MELK: variants seen among roughly 807,000 people sequenced by gnomAD.
The protein encoded by MELK is pEg3 kinase.
MELK carries 81 observed loss-of-function variants against 85.0 expected under a neutral mutation model. That is an observed-to-expected ratio of 0.95 (90% CI 0.80 to 1.15). The LOEUF (loss-of-function observed/expected upper bound fraction) is 1.15. Among genes scored for constraint, MELK ranks in the 50% most tolerant of loss-of-function variants. MELK has a pLI of 0.00. For synonymous variants in MELK, 252 were observed against 265.0 expected, an observed-to-expected ratio of 0.95 and a Z score of 0.48; for missense variants, 754 against 777.5, an observed-to-expected ratio of 0.97 and a Z score of 0.36.
chr9:36,639,225 A>C (rs776833529), intron 10 of MELK, among the ~76,000 whole-genome samples: 1 of 152,176 alleles, frequency 6.6e-6, no homozygotes, highest in Non-Finnish European at 1.5e-5. Flanking sequence ...GTAACTTTAC[A>C]TGTTGTATCA....
At chr9:36,582,628 C>G (rs763554707) in intron 2 of MELK, among the ~76,000 whole-genome samples, 9 of 152,160 alleles carry the variant, frequency 5.9e-5, no homozygotes, top group Non-Finnish European at 1.2e-4. Context: ...TATGTATACA[C>G]ATACCCATAT....
chr9:36,587,485 T>A (rs1823038331), intron 3 of MELK, among the ~76,000 whole-genome samples: 1 of 151,148 alleles, frequency 6.6e-6, no homozygotes, highest in East Asian at 2.0e-4. Context: ...CCTGGCTAAT[T>A]TTTGTATTTT....
chr9:36,642,034 T>G (rs1829805672), intron 10 of MELK, among the ~76,000 whole-genome samples: 2 of 152,232 alleles, frequency 1.3e-5, no homozygotes, highest in African/African-American at 4.8e-5. Flanking sequence ...TTGTTCTCAG[T>G]GATCCTTGCT....
rs1282423955 is a variant in MELK at position 36,625,103 on chromosome 9, G to C, written c.667-5196G>C. ...CAACCCAGTACAGATAGTGTCCAGA[G>C]AGTAAGCAGCAAACGGCTTTGCAAA... is the stretch of plus-strand genomic sequence containing the variant. On this transcript the variant is annotated intron_variant, in intron 8 of 17. Transcript: ENST00000298048. Among the ~76,000 whole-genome samples the C allele has an allele frequency of 3.3e-5, 5 of 152,298 alleles. No homozygotes were observed. In the East Asian group the frequency reaches 9.6e-4, roughly 29 times the overall value.
chr9:36,591,176 T>C (rs1823512482), intron 4 of MELK, among the ~76,000 whole-genome samples: 2 of 152,356 alleles, frequency 1.3e-5, no homozygotes, highest in Admixed American at 1.3e-4. Context: ...TACTACACTG[T>C]AGATCTACCT....
intron 10 of MELK, among the ~76,000 whole-genome samples, chr9:36,640,623 A>AT (rs1303068392): frequency 1.3e-5 from 2 of 151,880 alleles, no homozygotes; most frequent in African/African-American, 4.8e-5. Flanking sequence ...ATTTTTGAAT[A>AT]TTTTTTTGTA....
In MELK at chr9:36,607,610, T is replaced by G; in HGVS notation, c.603T>G (p.Val201=). The change falls in exon 8 of 18, where the codon GTT becomes GTG. Residue 201 remains valine (V), a synonymous_variant. Coordinates refer to ENST00000298048, the MANE Select transcript of MELK (RefSeq NM_014791.4). ...DVWSMGILLY[V]LMCGFLPFDD... is the part of the protein sequence containing the mutation. ...GGAGCATGGGCATACTGTTATATGT[T>G]CTTATGTGTGGATTTCTACCATTTG... 1.9e-6 allele frequency: 3 copies of G among 1,613,162 alleles called. No individual in the cohort carries two copies. Among genetic ancestry groups the G allele is most frequent in the Non-Finnish European group, 2.5e-6 (3 of 1,179,170 alleles).
intron 8 of MELK, among the ~76,000 whole-genome samples, chr9:36,615,453 C>G (rs866629344): frequency 1.4e-5 from 2 of 144,904 alleles, no homozygotes; most frequent in African/African-American, 5.2e-5. Context: ...CTGACCCCCC[C>G]ACCTCCCTCC....
intron 13 of MELK, among the ~76,000 whole-genome samples, chr9:36,657,827 C>A (rs1831405649): frequency 6.6e-6 from 1 of 152,198 alleles, no homozygotes; most frequent in East Asian, 1.9e-4. Flanking sequence ...AGGTGATCCA[C>A]CCACCTCAGC....
At chr9:36,609,454 T>TC (rs1281774775) in intron 8 of MELK, among the ~76,000 whole-genome samples, 2 of 150,562 alleles carry the variant, frequency 1.3e-5, no homozygotes, top group Non-Finnish European at 3.0e-5. Context: ...CTTCTTTTTT[T>TC]TTTTTTTTTT....
At chr9:36,668,213 CTG>C (rs1832564504) in intron 14 of MELK, among the ~76,000 whole-genome samples, 1 of 152,202 alleles carries the variant, frequency 6.6e-6, no homozygotes, top group East Asian at 1.9e-4. Context: ...AAGATGAAAA[CTG>C]TTTTTATAAA....
intron 16 of MELK, among the ~76,000 whole-genome samples, chr9:36,673,508 A>G (rs1833076419): frequency 6.6e-6 from 1 of 152,186 alleles, no homozygotes; most frequent in Admixed American, 6.5e-5. Context: ...AGCTCACTGC[A>G]GCCTCAACCT....
chr9:36,660,755 G>C (rs12380104), intron 13 of MELK, among the ~76,000 whole-genome samples: 2 of 151,790 alleles, frequency 1.3e-5, no homozygotes, highest in African/African-American at 4.8e-5. Context: ...ACTTTGGGGG[G>C]CTGAGGCGGG....
At chr9:36,597,017 AAAGTGAGACCAGGTCTTTCTGTGTTGC>A (rs1203765620) in intron 5 of MELK, among the ~76,000 whole-genome samples, 178 bp from the exon 6 acceptor site, 1 of 151,936 alleles carries the variant, frequency 6.6e-6, no homozygotes, top group Non-Finnish European at 1.5e-5. Flanking sequence ...TTATTTTTAA[AAAGTGAGACCAGGTCTTTCTGTGTTGC>A]CCAGGCTGGT....
chr9:36,588,381 C>T (rs1408834014), intron 3 of MELK, among the ~76,000 whole-genome samples: 2 of 142,770 alleles, frequency 1.4e-5, no homozygotes, highest in Non-Finnish European at 3.0e-5. Flanking sequence ...AGAGTCCCTC[C>T]CTTTTTTTTT....
At chr9:36,615,688 G>T (rs1195994879) in intron 8 of MELK, among the ~76,000 whole-genome samples, 32 of 138,048 alleles carry the variant, frequency 2.3e-4, no homozygotes, top group South Asian at 7.2e-4. Flanking sequence ...GGTCTCGGCC[G>T]GGCAGAGGCG....
intron 7 of MELK, among the ~76,000 whole-genome samples, chr9:36,602,267 C>T (rs1825005128): frequency 1.3e-5 from 2 of 151,732 alleles, no homozygotes; most frequent in Non-Finnish European, 2.9e-5. Flanking sequence ...CTGAGGTGGG[C>T]GGATCATGAG....
chr9:36,590,633 A>C (rs893026925), intron 4 of MELK, among the ~76,000 whole-genome samples: 5 of 152,184 alleles, frequency 3.3e-5, no homozygotes, highest in Non-Finnish European at 7.4e-5. Flanking sequence ...TAAACCAAGC[A>C]ATTTCAAGTT....
intron 8 of MELK, among the ~76,000 whole-genome samples, chr9:36,625,934 C>T (rs1293931336): frequency 6.6e-6 from 1 of 151,746 alleles, no homozygotes; most frequent in Non-Finnish European, 1.5e-5. Context: ...TTACATTCAT[C>T]GCAGAATTGT....
Sources: gnomAD v4.1 joint callset for allele counts (sites outside exome capture counted in the v4.1 genomes callset) on GRCh38, gnomAD v4.1.1 for gene constraint, MANE v1.5 for transcripts, NCBI Gene and HGNC (gene_info 2026-07-23, HGNC 2026-07-21) for gene names.